Variants in CFAP44 observed in about 807,000 individuals in gnomAD.
CFAP44 encodes the protein cilia- and flagella-associated protein 44.
A neutral mutation model predicts 216.2 loss-of-function variants in CFAP44; 134 were observed. The observed-to-expected ratio is 0.62, with a 90% CI of 0.54 to 0.72. The LOEUF (loss-of-function observed/expected upper bound fraction) is 0.72, where lower values mean the gene tolerates loss of function less well. Ranked by LOEUF, CFAP44 falls within the 30% of genes least tolerant of loss-of-function variation. The pLI is 0.00. For synonymous variants in CFAP44, 700 were observed against 727.6 expected (o/e 0.96, Z 0.61); for missense variants, 2,035 against 2,182.1 (o/e 0.93, Z 1.34).
chr3:113,390,647 T>C (rs983879151), intron 15 of CFAP44, among the ~76,000 whole-genome samples: 1 of 152,124 alleles, frequency 6.6e-6, no homozygotes, highest in African/African-American at 2.4e-5. Flanking sequence ...TTTGGTAAAG[T>C]TGCAGGATAC....
Position 113,333,405 on chromosome 3 carries a change from C to G in CFAP44, c.3615+1G>C. ...TTGTCATAAAATCTGTAGATAAGTA[C>G]CAAAGAATCTAGGTGTCCTAGTTCC... On this transcript the variant is annotated splice_donor_variant, in intron 25 of 34. Coordinates refer to ENST00000393845, the MANE Select transcript of CFAP44 (RefSeq NM_001164496.2). LOFTEE classifies it high-confidence loss of function. 1.3e-6 allele frequency: 2 copies of G among 1,536,360 alleles called. No individual in the cohort carries two copies. Among genetic ancestry groups the G allele is most frequent in the Non-Finnish European group, 1.7e-6 (2 of 1,146,624 alleles).
rs866754484 is a variant in CFAP44 at position 113,309,948 on chromosome 3, G to A, written c.4517-1680C>T. 1.7e-4 allele frequency among the ~76,000 whole-genome samples: 26 copies of A among 152,318 alleles called. No individual in the cohort carries two copies. The Middle Eastern group carries it at 0.024, about 139-fold the overall frequency. ...AGGGAAGGGGCAGCCTAGCAGGAGA[G>A]AAAACTTTTAGACAGTAACTCTTCT... On this transcript the variant is annotated intron_variant, in intron 28 of 34. Coordinates refer to ENST00000393845, the MANE Select transcript of CFAP44 (RefSeq NM_001164496.2).
intron 9 of CFAP44, 152 bp from the exon 10 acceptor site, chr3:113,401,891 A>G: frequency 3.9e-6 from 3 of 761,064 alleles, no homozygotes; most frequent in Non-Finnish European, 6.0e-6. Context: ...ACACCAGCCA[A>G]AACCTGACCC....
intron 4 of CFAP44, among the ~76,000 whole-genome samples, chr3:113,421,093 T>C (rs1266595595): frequency 3.9e-5 from 6 of 152,068 alleles, no homozygotes; most frequent in Non-Finnish European, 8.8e-5. Context: ...TCCCAAACTA[T>C]GCATCTGACA....
At chr3:113,438,901 C>T (rs950265227) in intron 1 of CFAP44, among the ~76,000 whole-genome samples, 1 of 152,146 alleles carries the variant, frequency 6.6e-6, no homozygotes, top group Non-Finnish European at 1.5e-5. Flanking sequence ...TCTTTACCAC[C>T]CTGAGAGCTC....
At chr3:113,345,405 G>A (rs1303402332) in intron 22 of CFAP44, among the ~76,000 whole-genome samples, 2 of 152,062 alleles carry the variant, frequency 1.3e-5, no homozygotes, top group African/African-American at 4.8e-5. Context: ...GTATATATAT[G>A]TGTGTGTTTC....
chr3:113,325,907 T>C (rs1389967158), intron 28 of CFAP44, among the ~76,000 whole-genome samples: 1 of 152,176 alleles, frequency 6.6e-6, no homozygotes, highest in African/African-American at 2.4e-5. Context: ...CACACAAAGA[T>C]GCCCAAATGA....
chr3:113,345,360 C>T (rs957774900), intron 22 of CFAP44, among the ~76,000 whole-genome samples: 1 of 151,898 alleles, frequency 6.6e-6, no homozygotes, highest in African/African-American at 2.4e-5. Context: ...TTTAAAAATA[C>T]ATTTTGTTTT....
At chr3:113,411,844 G>A (rs1049364266) in intron 6 of CFAP44, among the ~76,000 whole-genome samples, 5 of 151,950 alleles carry the variant, frequency 3.3e-5, no homozygotes, top group Admixed American at 6.6e-5. Context: ...GTTCTCCTTG[G>A]AGAGGTCCTT....
intron 10 of CFAP44, 94 bp from the exon 11 acceptor site, chr3:113,401,381 CAAT>C: frequency 8.0e-7 from 1 of 1,252,324 alleles, no homozygotes; most frequent in Middle Eastern, 2.2e-4. Flanking sequence ...TAAGGACAAG[CAAT>C]AATATCAAAA....
At chr3:113,319,057 T>C (rs2107802627) in intron 28 of CFAP44, among the ~76,000 whole-genome samples, 1 of 152,026 alleles carries the variant, frequency 6.6e-6, no homozygotes, top group East Asian at 1.9e-4. Context: ...GCTAACATCA[T>C]GATGACAGGA....
Position 113,395,637 on chromosome 3 carries a change from A to G in CFAP44, c.1890+113T>C. The G allele has an allele frequency of 9.5e-6, 8 of 841,108 alleles. No homozygotes were observed. The South Asian group carries it at 1.3e-4, about 14-fold the overall frequency. The allele number at this position is 841,108 out of a possible 1,614,324, so 52.1% of individuals were successfully genotyped here. ...TTCTGTTGCCGCATCCCTGACCCTC[A>G]CTGCAGGAACCAGGAGTGGGCTAAA... is the stretch of plus-strand genomic sequence containing the variant. On this transcript the variant is annotated intron_variant, in intron 15 of 34. Coordinates refer to ENST00000393845, the MANE Select transcript of CFAP44 (RefSeq NM_001164496.2).
intron 22 of CFAP44, among the ~76,000 whole-genome samples, chr3:113,355,130 C>T (rs1950481838): frequency 6.6e-6 from 1 of 152,066 alleles, no homozygotes; most frequent in South Asian, 2.1e-4. Context: ...GTACACTGCT[C>T]AGGTGATGGG....
At chr3:113,316,064 C>T (rs1950083933) in intron 28 of CFAP44, among the ~76,000 whole-genome samples, 1 of 152,162 alleles carries the variant, frequency 6.6e-6, no homozygotes, top group African/African-American at 2.4e-5. Context: ...CAAACCTCAA[C>T]AATTACAAAA....
intron 23 of CFAP44, among the ~76,000 whole-genome samples, chr3:113,343,000 AT>A (rs1334533104): frequency 2.0e-5 from 3 of 148,636 alleles, no homozygotes; most frequent in African/African-American, 7.6e-5. Flanking sequence ...AAATAAATAA[AT>A]AAAAAATTAA....
intron 30 of CFAP44, among the ~76,000 whole-genome samples, chr3:113,305,404 G>A (rs992122738): frequency 6.6e-6 from 1 of 152,280 alleles, no homozygotes; most frequent in South Asian, 2.1e-4. Flanking sequence ...TAAGAGCCCA[G>A]AAGACATGTC....
chr3:113,327,279 A>G (rs1244732831), intron 27 of CFAP44, among the ~76,000 whole-genome samples: 1 of 152,152 alleles, frequency 6.6e-6, no homozygotes, highest in Non-Finnish European at 1.5e-5. Context: ...TCAAAACTCA[A>G]TTTTATATCA....
chr3:113,399,782 T>A lies in CFAP44; in HGVS notation c.1569+124A>T, dbSNP rs533939787. 4.4e-4 allele frequency: 263 copies of A among 597,662 alleles called. 8 individuals are homozygous for A. In the South Asian group the frequency reaches 0.011, roughly 25 times the overall value. The allele number at this position is 597,662 out of a possible 1,614,324, so 37.0% of individuals were successfully genotyped here. ...CTATTACATTCTGACTAAAATAAAC[T>A]AACTTAAAACTTTTATTATTCCTTA... On this transcript the variant is annotated intron_variant, in intron 13 of 34. Coordinates refer to ENST00000393845, the MANE Select transcript of CFAP44 (RefSeq NM_001164496.2).
At chr3:113,330,136 C>A in intron 26 of CFAP44, 32 bp downstream of exon 26, 1 of 1,464,450 alleles carries the variant, frequency 6.8e-7, no homozygotes. Flanking sequence ...TTCTCTCTTT[C>A]AGCTTTAACT....
Sources: allele counts gnomAD v4.1 joint callset (sites outside exome capture counted in the v4.1 genomes callset), GRCh38; gene constraint gnomAD v4.1.1; transcripts MANE v1.5; gene names NCBI Gene and HGNC (gene_info 2026-07-23, HGNC 2026-07-21).